The following MON2 variants were observed in gnomAD, a reference collection of about 807,000 sequenced individuals.
MON2 encodes the protein MON2 regulator of endosome-to-Golgi trafficking.
MON2 carries 84 observed loss-of-function variants against 208.6 expected under a neutral mutation model. The ratio of observed to expected loss-of-function variants is 0.40; its 90% confidence interval spans 0.34 to 0.48. MON2 has a LOEUF of 0.48. Ranked by LOEUF, MON2 falls within the 20% of genes least tolerant of loss-of-function variation. MON2 has a pLI of 0.59. For synonymous variants in MON2, 660 were observed against 694.0 expected (o/e 0.95, Z 0.77); for missense variants, 1,611 against 2,015.4 (o/e 0.80, Z 3.84).
At chr12:62,470,094 A>G (rs1000695355) in intron 1 of MON2, among the ~76,000 whole-genome samples, 7 of 151,674 alleles carry the variant, frequency 4.6e-5, no homozygotes, top group Non-Finnish European at 1.0e-4. Context: ...TTTTGTAGAG[A>G]CAGGGTCTCA....
At chr12:62,561,558 A>T (rs2074198520) in intron 26 of MON2, among the ~76,000 whole-genome samples, 1 of 152,114 alleles carries the variant, frequency 6.6e-6, no homozygotes, top group Admixed American at 6.6e-5. Context: ...ATTTTTCCTC[A>T]TGGTTTTTAA....
chr12:62,535,580 C>G lies in MON2; in HGVS notation c.1771C>G (p.Leu591Val), dbSNP rs2072928540. The change falls in exon 14 of 35, where the codon CTT becomes GTT. Residue 591 changes from leucine to valine, a missense_variant. By Grantham distance (32) the Leu-to-Val change is conservative (BLOSUM62 1). Coordinates refer to ENST00000393630, the MANE Select transcript of MON2 (RefSeq NM_015026.3). The part of the protein sequence containing the change: ...ILKAELTMAA[L>V]CGRLGLVTSR... ...AAAAGCTGAACTGACTATGGCTGCT[C>G]TTTGTGGAAGACTGGGCCTTGTAAC... 6.2e-7 allele frequency: 1 copy of G among 1,613,622 alleles called. No homozygotes were observed. Among genetic ancestry groups the G allele is most frequent in the African/African-American group, 1.3e-5 (1 of 74,890 alleles).
chr12:62,501,485 A>G, intron 6 of MON2, 88 bp from the exon 7 acceptor site: 1 of 1,477,670 alleles, frequency 6.8e-7, no homozygotes, highest in Non-Finnish European at 9.2e-7. Context: ...ATATAAGAAG[A>G]TAGATTTTTT....
chr12:62,537,142 G>C lies in MON2; in HGVS notation c.1901-9G>C, dbSNP rs775962992. 4.4e-5 allele frequency: 66 copies of C among 1,491,912 alleles called. No individual in the cohort carries two copies. The highest frequency in any genetic ancestry group is 6.0e-5 in the Non-Finnish European group (65 of 1,091,636). 92.4% of individuals were successfully genotyped at this position (1,491,912 alleles called of 1,614,324 possible). A position where few individuals can be genotyped will look rare whatever the true frequency, so the allele number is the denominator to read the frequency against. ...ATTTTAATTATTTAGGCTTTCCTTT[G>C]TGTTCTAGCATATTCCGTTCAGGGC... On this transcript the variant is annotated splice_polypyrimidine_tract_variant and intron_variant, in intron 14 of 34. Coordinates refer to ENST00000393630, the MANE Select transcript of MON2 (RefSeq NM_015026.3).
chr12:62,501,370 A>G (rs767223140), intron 6 of MON2, among the ~76,000 whole-genome samples: 15 of 152,218 alleles, frequency 9.9e-5, no homozygotes, highest in Non-Finnish European at 2.1e-4. Flanking sequence ...TGTTGTCAGT[A>G]GTTATATGAT....
chr12:62,495,563 G>A (rs1480956007), intron 4 of MON2, among the ~76,000 whole-genome samples: 6 of 151,570 alleles, frequency 4.0e-5, no homozygotes, highest in East Asian at 1.9e-4. Context: ...AGTGGCGGGC[G>A]CCTGTAGTCC....
chr12:62,469,882 TTTTA>T (rs369624327), intron 1 of MON2, among the ~76,000 whole-genome samples: 169 of 117,866 alleles, frequency 1.4e-3, no homozygotes, highest in Middle Eastern at 4.6e-3. Context: ...TTGACTATTA[TTTTA>T]TTTATTTATT....
chr12:62,541,604 T>G (rs2073246546), intron 19 of MON2, among the ~76,000 whole-genome samples: 1 of 152,204 alleles, frequency 6.6e-6, no homozygotes, highest in South Asian at 2.1e-4. Context: ...ATAGCTTAAG[T>G]GACCTGCCTG....
chr12:62,548,021 C>T (rs1430217814), intron 22 of MON2, among the ~76,000 whole-genome samples: 1 of 152,102 alleles, frequency 6.6e-6, no homozygotes, highest in Non-Finnish European at 1.5e-5. Flanking sequence ...AAGAAACCTT[C>T]AGCAGGAGGA....
intron 32 of MON2, among the ~76,000 whole-genome samples, 190 bp from the exon 33 acceptor site, chr12:62,585,093 ACACACACACAC>A (rs1565714447): frequency 1.8e-5 from 2 of 113,970 alleles, no homozygotes; most frequent in African/African-American, 7.5e-5. Flanking sequence ...ACACACACAC[ACACACACACAC>A]ACACACAAAA....
At chr12:62,557,129 A>T (rs1324639080) in intron 25 of MON2, among the ~76,000 whole-genome samples, 1 of 152,152 alleles carries the variant, frequency 6.6e-6, no homozygotes, top group Non-Finnish European at 1.5e-5. Context: ...AATGAAAAAA[A>T]CTACTGATAG....
At chr12:62,549,506 A>G (rs1210786146) in intron 22 of MON2, among the ~76,000 whole-genome samples, 162 bp from the exon 23 acceptor site, 2 of 150,986 alleles carry the variant, frequency 1.3e-5, no homozygotes, top group East Asian at 3.9e-4. Flanking sequence ...AGTCCCAGCT[A>G]CTGGGGAAGC....
chr12:62,540,048 A>G (rs552658294), intron 19 of MON2, among the ~76,000 whole-genome samples: 1 of 152,320 alleles, frequency 6.6e-6, no homozygotes, highest in East Asian at 1.9e-4. Context: ...TAATTTTTTG[A>G]TACCTTTAAT....
intron 2 of MON2, 24 bp from the exon 3 acceptor site, chr12:62,493,891 A>T: frequency 4.2e-6 from 6 of 1,426,402 alleles, no homozygotes; most frequent in Non-Finnish European, 5.6e-6. Context: ...TTAATAATTT[A>T]CTTTATATGT....
chr12:62,498,770 T>A, intron 4 of MON2, 149 bp from the exon 5 acceptor site: 1 of 749,888 alleles, frequency 1.3e-6, no homozygotes, highest in East Asian at 3.2e-5. Flanking sequence ...CAACTTGGAT[T>A]ACATCAAAAT....
chr12:62,480,632 A>G (rs1489189749), intron 1 of MON2, among the ~76,000 whole-genome samples: 8 of 152,226 alleles, frequency 5.3e-5, no homozygotes. Context: ...TTTATTAGAC[A>G]TGTGCACACA....
chr12:62,492,362 CTTTTTT>C, intron 2 of MON2, among the ~76,000 whole-genome samples: 1 of 110,258 alleles, frequency 9.1e-6, no homozygotes, highest in South Asian at 3.0e-4. Context: ...AGAGTTAGTT[CTTTTTT>C]TTTTTTTTTT....
intron 12 of MON2, among the ~76,000 whole-genome samples, chr12:62,533,717 C>G (rs1347826810): frequency 1.3e-5 from 2 of 152,166 alleles, no homozygotes; most frequent in Non-Finnish European, 1.5e-5. Flanking sequence ...TTGAAACGAA[C>G]ACAGGTATAC....
Position 62,599,261 on chromosome 12 carries a change from T to C in MON2, c.*6512T>C, listed in dbSNP as rs2075583969. On this transcript the variant is annotated 3_prime_UTR_variant, in exon 35 of 35. Coordinates refer to ENST00000393630, the MANE Select transcript of MON2 (RefSeq NM_015026.3). ...AAAGATTTGGAACTTTAAGTAAAAA[T>C]GCTAGGTCAAGTAAAAATCCTGATG... is the stretch of plus-strand genomic sequence containing the variant. 1 of 152,182 alleles carries C rather than the reference T, an allele frequency of 6.6e-6. No individual in the cohort carries two copies. 9.4% of individuals were successfully genotyped at this position (152,182 alleles called of 1,614,324 possible). A position where few individuals can be genotyped will look rare whatever the true frequency, so the allele number is the denominator to read the frequency against.
Sources: gnomAD v4.1 joint callset for allele counts (sites outside exome capture counted in the v4.1 genomes callset) on GRCh38, gnomAD v4.1.1 for gene constraint, MANE v1.5 for transcripts, NCBI Gene and HGNC (gene_info 2026-07-23, HGNC 2026-07-21) for gene names.